PPP2R2C: variants seen among roughly 807,000 people sequenced by gnomAD.
PPP2R2C encodes the protein protein phosphatase 2 regulatory subunit Bgamma, also known as protein phosphatase 2, regulatory subunit B, gamma.
PPP2R2C carries 10 observed loss-of-function variants against 45.3 expected under a neutral mutation model. That is an observed-to-expected ratio of 0.22 (90% CI 0.14 to 0.37). The LOEUF (loss-of-function observed/expected upper bound fraction) is 0.37. Among genes scored for constraint, PPP2R2C ranks in the 10% least tolerant of loss-of-function variants. The probability of loss-of-function intolerance (pLI) is 1.00; values close to 1 mark genes in which losing one functional copy is unlikely to be tolerated. For missense variants in PPP2R2C, 308 were observed against 619.7 expected (o/e 0.50, Z 5.34); for synonymous variants, 257 against 245.4 (o/e 1.05, Z -0.44).
intron 1 of PPP2R2C, among the ~76,000 whole-genome samples, chr4:6,540,259 T>C (rs1724766372): frequency 6.6e-6 from 1 of 152,200 alleles, no homozygotes; most frequent in South Asian, 2.1e-4. Flanking sequence ...TAATCTGCTT[T>C]TTGTCTCTAT....
intron 5 of PPP2R2C, among the ~76,000 whole-genome samples, chr4:6,369,153 T>C (rs1049861709): frequency 6.6e-6 from 1 of 152,254 alleles, no homozygotes; most frequent in African/African-American, 2.4e-5. Flanking sequence ...ACTGGCCACA[T>C]GTGGCTATTT....
At chr4:6,363,780 G>A (rs942251876) in intron 5 of PPP2R2C, among the ~76,000 whole-genome samples, 2 of 152,052 alleles carry the variant, frequency 1.3e-5, no homozygotes, top group African/African-American at 4.8e-5. Context: ...GGCAAGGATA[G>A]CCCAACTGTC....
At chr4:6,441,389 C>G (rs1411856411) in intron 1 of PPP2R2C, among the ~76,000 whole-genome samples, 1 of 152,012 alleles carries the variant, frequency 6.6e-6, no homozygotes, top group East Asian at 1.9e-4. Flanking sequence ...AGGGGAGGAG[C>G]CACGCTCCTC....
At chr4:6,420,894 G>A (rs1176461389) in intron 1 of PPP2R2C, 1 of 958,558 alleles carries the variant, frequency 1.0e-6, no homozygotes, top group South Asian at 4.8e-5. Flanking sequence ...GATGGGATGT[G>A]GTAGATGATG....
At chr4:6,434,368 TTTTTTTTG>T (rs1287272438) in intron 1 of PPP2R2C, among the ~76,000 whole-genome samples, 3 of 142,692 alleles carry the variant, frequency 2.1e-5, no homozygotes, top group Non-Finnish European at 3.1e-5. Flanking sequence ...TCTTTTTTTT[TTTTTTTTG>T]GAGACAGAGT....
At chr4:6,526,948 C>A (rs1007607612) in intron 2 of PPP2R2C, among the ~76,000 whole-genome samples, 2 of 152,158 alleles carry the variant, frequency 1.3e-5, no homozygotes, top group African/African-American at 4.8e-5. Flanking sequence ...CCCTCGCACT[C>A]CAGCCCCGAG....
At chr4:6,553,937 C>G (rs1725271663) in intron 1 of PPP2R2C, among the ~76,000 whole-genome samples, 1 of 152,176 alleles carries the variant, frequency 6.6e-6, no homozygotes, top group African/African-American at 2.4e-5. Context: ...CCAGTGTCCA[C>G]TTTCACAGAC....
chr4:6,537,293 A>C (rs1223419341), intron 1 of PPP2R2C, among the ~76,000 whole-genome samples: 5 of 152,182 alleles, frequency 3.3e-5, no homozygotes, highest in African/African-American at 4.8e-5. Context: ...ATAAATGCTC[A>C]TCAGTGCAGA....
At chr4:6,351,780 G>A (rs553516847) in intron 5 of PPP2R2C, among the ~76,000 whole-genome samples, 19 of 152,238 alleles carry the variant, frequency 1.2e-4, no homozygotes, top group African/African-American at 3.6e-4. Context: ...GCCCAGAGCC[G>A]TGCCCAGAAC....
chr4:6,415,875 G>A (rs1172278801), intron 1 of PPP2R2C, among the ~76,000 whole-genome samples: 1 of 152,154 alleles, frequency 6.6e-6, no homozygotes, highest in Non-Finnish European at 1.5e-5. Flanking sequence ...TATTAAGATA[G>A]CTCTGATGGT....
intron 2 of PPP2R2C, among the ~76,000 whole-genome samples, chr4:6,506,693 G>C (rs944929937): frequency 6.6e-6 from 1 of 152,232 alleles, no homozygotes; most frequent in Non-Finnish European, 1.5e-5. Flanking sequence ...CTGCTATAGT[G>C]GTTGGGCAGA....
At chr4:6,454,219 G>A (rs1720892272) in intron 1 of PPP2R2C, among the ~76,000 whole-genome samples, 1 of 152,104 alleles carries the variant, frequency 6.6e-6, no homozygotes, top group Admixed American at 6.5e-5. Flanking sequence ...TGTTTCCCAG[G>A]GAGGGCCAGA....
chr4:6,490,573 G>A (rs1370936747), intron 2 of PPP2R2C, among the ~76,000 whole-genome samples: 1 of 152,184 alleles, frequency 6.6e-6, no homozygotes, highest in Non-Finnish European at 1.5e-5. Context: ...AGATGGACAG[G>A]GGAACCAGAT....
chr4:6,350,095 G>T, intron 5 of PPP2R2C: 1 of 985,402 alleles, frequency 1.0e-6, no homozygotes, highest in Non-Finnish European at 1.2e-6. Flanking sequence ...AATGAGTTAA[G>T]GCATCACTGC....
At chr4:6,506,181 A>T (rs78370752) in intron 2 of PPP2R2C, among the ~76,000 whole-genome samples, 1,580 of 152,242 alleles carry the variant, frequency 0.01, 25 homozygotes, top group African/African-American at 0.036. Flanking sequence ...GGTGCTGGGA[A>T]GATAATGGAC....
At chr4:6,382,396 A>G (rs2109315973) in intron 1 of PPP2R2C, 1 of 1,350,392 alleles carries the variant, frequency 7.4e-7, no homozygotes, top group Non-Finnish European at 9.8e-7. Flanking sequence ...CAGAGAGGAC[A>G]CTCCACAGGG....
intron 4 of PPP2R2C, 105 bp from the exon 5 acceptor site, chr4:6,372,805 TG>T: frequency 3.4e-6 from 4 of 1,193,220 alleles, no homozygotes; most frequent in Non-Finnish European, 4.8e-6. Context: ...AACACAGGGG[TG>T]GGCGTCCATC....
chr4:6,333,971 C>A (rs1732628401), intron 6 of PPP2R2C, among the ~76,000 whole-genome samples: 1 of 152,190 alleles, frequency 6.6e-6, no homozygotes, highest in African/African-American at 2.4e-5. Context: ...CTGGCTAAAA[C>A]CCATGCCTGG....
At chr4:6,323,797 G>A (rs541611909) in intron 8 of PPP2R2C, among the ~76,000 whole-genome samples, 2 of 152,032 alleles carry the variant, frequency 1.3e-5, no homozygotes, top group East Asian at 3.9e-4. Flanking sequence ...AATGACCGTA[G>A]TCCCAGCTAT....
Sources: allele counts gnomAD v4.1 joint callset (sites outside exome capture counted in the v4.1 genomes callset), GRCh38; gene constraint gnomAD v4.1.1; transcripts MANE v1.5; gene names NCBI Gene and HGNC (gene_info 2026-07-23, HGNC 2026-07-21).